ARL8B: variants seen among roughly 807,000 people sequenced by gnomAD.
ARL8B encodes the protein ADP-ribosylation factor-like protein 8B.
Under a neutral mutation model 30.6 loss-of-function variants are expected in ARL8B, and 9 were observed. The observed-to-expected ratio is 0.29, with a 90% confidence interval of 0.18 to 0.51. ARL8B has a LOEUF of 0.51. Among genes scored for constraint, ARL8B ranks in the 20% least tolerant of loss-of-function variants. ARL8B has a pLI of 0.97. For missense variants in ARL8B, 130 were observed against 227.2 expected, an observed-to-expected ratio of 0.57 and a Z score of 2.75; for synonymous variants, 74 against 76.0, an observed-to-expected ratio of 0.97 and a Z score of 0.14.
rs537671128 is a variant in ARL8B, at chr3:5,172,628, A to G, written c.279-19A>G. 22 of 1,562,568 alleles carry G rather than the reference A, an allele frequency of 1.4e-5. No homozygotes were observed. The highest frequency in any genetic ancestry group is 1.8e-5 in the Non-Finnish European group (20 of 1,135,140). On this transcript the variant is annotated intron_variant, in intron 3 of 6. Transcript: ENST00000256496. The stretch of plus-strand genomic sequence containing the variant: ...AGGCATACAGAGAAGGTATGTTGAG[A>G]TCACTTCATTTTTTTAAGTTACATG...
chr3:5,133,733 G>C (rs1197572837), intron 1 of ARL8B, among the ~76,000 whole-genome samples: 2 of 152,060 alleles, frequency 1.3e-5, no homozygotes, highest in African/African-American at 4.8e-5. Context: ...TTCAAGGCCA[G>C]CTTAGGCAAC....
chr3:5,125,533 T>G (rs2054222803), intron 1 of ARL8B, among the ~76,000 whole-genome samples: 1 of 135,038 alleles, frequency 7.4e-6, no homozygotes, highest in Non-Finnish European at 1.5e-5. Flanking sequence ...GCTCCACCAT[T>G]ATCTTTTTTT....
chr3:5,138,301 A>G (rs892731077), intron 1 of ARL8B, among the ~76,000 whole-genome samples: 3 of 152,068 alleles, frequency 2.0e-5, no homozygotes, highest in African/African-American at 4.8e-5. Context: ...ATTGACTTCA[A>G]GCTTTTGTAC....
intron 1 of ARL8B, among the ~76,000 whole-genome samples, chr3:5,161,101 G>A (rs1014612806): frequency 3.9e-5 from 6 of 152,168 alleles, no homozygotes; most frequent in Non-Finnish European, 8.8e-5. Context: ...TGTATTTTTT[G>A]TAGAGATGGG....
intron 6 of ARL8B, among the ~76,000 whole-genome samples, chr3:5,177,618 G>T (rs1343031076): frequency 1.3e-5 from 2 of 151,980 alleles, no homozygotes; most frequent in Non-Finnish European, 2.9e-5. Context: ...GCCGTGCTCG[G>T]CTAATTTTTG....
At chr3:5,141,371 T>G (rs1340759993) in intron 1 of ARL8B, among the ~76,000 whole-genome samples, 2 of 152,260 alleles carry the variant, frequency 1.3e-5, no homozygotes, top group African/African-American at 4.8e-5. Flanking sequence ...GTCATTTACT[T>G]TCTTCCTTAT....
intron 1 of ARL8B, among the ~76,000 whole-genome samples, chr3:5,149,632 A>G (rs887428858): frequency 6.6e-6 from 1 of 152,012 alleles, no homozygotes; most frequent in Admixed American, 6.6e-5. Context: ...CCCCTTCCCC[A>G]CTTAAGTTTC....
chr3:5,145,028 C>G (rs915151229), intron 1 of ARL8B, among the ~76,000 whole-genome samples: 1 of 152,182 alleles, frequency 6.6e-6, no homozygotes, highest in African/African-American at 2.4e-5. Context: ...ATTAGGTAAT[C>G]TACCTTTCTC....
At chr3:5,159,297 C>CAA (rs56033027) in intron 1 of ARL8B, among the ~76,000 whole-genome samples, 651 of 52,704 alleles carry the variant, frequency 0.012, 25 homozygotes, top group African/African-American at 0.038. Flanking sequence ...GACTCTGTCT[C>CAA]AAAAAAAAAA....
At chr3:5,140,144 C>T (rs2106557865) in intron 1 of ARL8B, among the ~76,000 whole-genome samples, 1 of 152,142 alleles carries the variant, frequency 6.6e-6, no homozygotes, top group South Asian at 2.1e-4. Flanking sequence ...AAATAATGCT[C>T]TCCTGTTGGT....
intron 1 of ARL8B, among the ~76,000 whole-genome samples, chr3:5,149,460 C>A (rs1401848830): frequency 6.6e-6 from 1 of 151,954 alleles, no homozygotes; most frequent in African/African-American, 2.4e-5. Flanking sequence ...GAGACACCAT[C>A]CCGTGTGTGG....
chr3:5,172,752 A>G lies in ARL8B; in HGVS notation c.372+12A>G, dbSNP rs758269740. On this transcript the variant is annotated intron_variant, in intron 4 of 6. Transcript: ENST00000256496. Reference sequence around the variant, plus strand: ...TACAAGGAATTCCAGTAAGTATGGAATACTTGTTATTTTACATTGTAATTA... The same window carrying G: ...TACAAGGAATTCCAGTAAGTATGGAGTACTTGTTATTTTACATTGTAATTA... 2 of 1,445,152 alleles carry G rather than the reference A, an allele frequency of 1.4e-6. No homozygotes were observed. The highest frequency in any genetic ancestry group is 1.9e-6 in the Non-Finnish European group (2 of 1,034,210). 89.5% of individuals were successfully genotyped at this position (1,445,152 alleles called of 1,614,324 possible). A position where few individuals can be genotyped will look rare whatever the true frequency, so the allele number is the denominator to read the frequency against.
At chr3:5,130,997 G>A (rs1187997414) in intron 1 of ARL8B, among the ~76,000 whole-genome samples, 5 of 151,310 alleles carry the variant, frequency 3.3e-5, no homozygotes, top group African/African-American at 9.7e-5. Flanking sequence ...TGGGAGTGCA[G>A]TGGCACGGGG....
chr3:5,164,939 C>T (rs1477496294), intron 1 of ARL8B, among the ~76,000 whole-genome samples: 1 of 151,884 alleles, frequency 6.6e-6, no homozygotes. Context: ...TAGAGTGTTC[C>T]TCGTTTTGGG....
intron 1 of ARL8B, among the ~76,000 whole-genome samples, chr3:5,137,648 A>G (rs1406096706): frequency 2.0e-5 from 3 of 152,164 alleles, no homozygotes; most frequent in African/African-American, 7.2e-5. Flanking sequence ...CATGTTGATC[A>G]GGCTGGTCTC....
At chr3:5,131,858 C>G (rs1431456436) in intron 1 of ARL8B, among the ~76,000 whole-genome samples, 1 of 151,828 alleles carries the variant, frequency 6.6e-6, no homozygotes, top group Non-Finnish European at 1.5e-5. Flanking sequence ...AATGATTTGA[C>G]TAGTTTTATC....
chr3:5,155,755 C>CT (rs2054527161), intron 1 of ARL8B, among the ~76,000 whole-genome samples: 2 of 143,280 alleles, frequency 1.4e-5, no homozygotes, highest in South Asian at 4.6e-4. Context: ...ACTCTGAACA[C>CT]TTTCTTTTTG....
chr3:5,143,044 A>G (rs1271109498), intron 1 of ARL8B, among the ~76,000 whole-genome samples: 2 of 152,220 alleles, frequency 1.3e-5, no homozygotes, highest in African/African-American at 2.4e-5. Flanking sequence ...GTAATGCCAT[A>G]CTGTAATCTG....
At chr3:5,135,527 C>G (rs923214759) in intron 1 of ARL8B, among the ~76,000 whole-genome samples, 2 of 145,814 alleles carry the variant, frequency 1.4e-5, no homozygotes, top group African/African-American at 5.1e-5. Context: ...GGTGCCATCT[C>G]GGCTTACTGC....
Sources: gnomAD v4.1 joint callset for allele counts (sites outside exome capture counted in the v4.1 genomes callset) on GRCh38, gnomAD v4.1.1 for gene constraint, MANE v1.5 for transcripts, NCBI Gene and HGNC (gene_info 2026-07-23, HGNC 2026-07-21) for gene names.